Variants in PPM1E observed in about 807,000 individuals in gnomAD.
PPM1E encodes protein phosphatase 1E.
A neutral mutation model predicts 65.9 loss-of-function variants in PPM1E; 20 were observed. The ratio of observed to expected loss-of-function variants is 0.30; its 90% confidence interval spans 0.21 to 0.44. PPM1E has a LOEUF of 0.44. PPM1E is among the 20% of genes least tolerant of loss of function. PPM1E has a pLI of 1.00. For missense variants in PPM1E, 713 were observed against 953.1 expected (o/e 0.75, Z 3.32); for synonymous variants, 352 against 374.9 (o/e 0.94, Z 0.70).
intron 1 of PPM1E, among the ~76,000 whole-genome samples, chr17:58,908,192 C>T (rs2051581797): frequency 1.3e-5 from 2 of 151,922 alleles, no homozygotes; most frequent in African/African-American, 4.8e-5. Flanking sequence ...AGCAATTCTC[C>T]TGCCTCAGCC....
chr17:58,831,261 G>A (rs975682943), intron 1 of PPM1E, among the ~76,000 whole-genome samples: 1 of 152,028 alleles, frequency 6.6e-6, no homozygotes, highest in African/African-American at 2.4e-5. Flanking sequence ...CGTCCACCTT[G>A]GTCTCCCAAA....
intron 1 of PPM1E, among the ~76,000 whole-genome samples, chr17:58,866,780 G>C (rs2051009084): frequency 6.6e-6 from 1 of 152,106 alleles, no homozygotes; most frequent in Non-Finnish European, 1.5e-5. Flanking sequence ...ACCTTCCATA[G>C]GTTTTGGGAC....
At chr17:58,783,115 T>C (rs1426985638) in intron 1 of PPM1E, among the ~76,000 whole-genome samples, 1 of 152,162 alleles carries the variant, frequency 6.6e-6, no homozygotes, top group African/African-American at 2.4e-5. Context: ...TGAGGAATTA[T>C]TGAGAATAGA....
chr17:58,858,401 T>A (rs188532105), intron 1 of PPM1E, among the ~76,000 whole-genome samples: 1 of 152,284 alleles, frequency 6.6e-6, no homozygotes, highest in East Asian at 1.9e-4. Flanking sequence ...ACAGTAGAAC[T>A]TACTCCTTCT....
chr17:58,898,860 G>A (rs1327366239), intron 1 of PPM1E, among the ~76,000 whole-genome samples: 5 of 152,078 alleles, frequency 3.3e-5, no homozygotes, highest in Non-Finnish European at 7.3e-5. Flanking sequence ...CCTTTGTAGC[G>A]ACATGGATGA....
intron 1 of PPM1E, among the ~76,000 whole-genome samples, chr17:58,853,673 C>A (rs560094519): frequency 1.4e-3 from 211 of 152,074 alleles, no homozygotes; most frequent in African/African-American, 4.7e-3. Context: ...ACTGAAAATA[C>A]AAAAATTAGT....
intron 1 of PPM1E, among the ~76,000 whole-genome samples, chr17:58,825,256 ACACACAC>A (rs2050523272): frequency 2.0e-5 from 3 of 151,566 alleles, no homozygotes; most frequent in Admixed American, 6.6e-5. Context: ...ACACACACAC[ACACACAC>A]AAAAATAAAT....
At chr17:58,911,567 A>G (rs978185629) in intron 1 of PPM1E, among the ~76,000 whole-genome samples, 16 of 152,166 alleles carry the variant, frequency 1.1e-4, no homozygotes, top group African/African-American at 3.6e-4. Context: ...GGTTAATAAG[A>G]ATAATATCTA....
chr17:58,764,729 G>A (rs996103030), intron 1 of PPM1E, among the ~76,000 whole-genome samples: 1 of 152,044 alleles, frequency 6.6e-6, no homozygotes, highest in African/African-American at 2.4e-5. Context: ...AAGTAGCTGG[G>A]ACTACAAGCA....
At chr17:58,854,452 TAGA>T (rs2050860631) in intron 1 of PPM1E, among the ~76,000 whole-genome samples, 1 of 152,214 alleles carries the variant, frequency 6.6e-6, no homozygotes, top group Non-Finnish European at 1.5e-5. Context: ...CTCTGTAGAA[TAGA>T]AGTAGACAAG....
chr17:58,824,900 G>GC (rs1289383864), intron 1 of PPM1E, among the ~76,000 whole-genome samples: 1 of 151,696 alleles, frequency 6.6e-6, no homozygotes, highest in African/African-American at 2.4e-5. Context: ...GAGCCACTGC[G>GC]CCCAGCCTGC....
intron 1 of PPM1E, among the ~76,000 whole-genome samples, chr17:58,907,026 G>A (rs1440009580): frequency 6.6e-6 from 1 of 152,172 alleles, no homozygotes; most frequent in Non-Finnish European, 1.5e-5. Flanking sequence ...CACGAGGTCA[G>A]GAGATCGAGA....
chr17:58,950,707 T>C (rs909764668), intron 1 of PPM1E, among the ~76,000 whole-genome samples: 2 of 151,948 alleles, frequency 1.3e-5, no homozygotes, highest in Non-Finnish European at 2.9e-5. Flanking sequence ...TCTAGTCTGC[T>C]GTTGAAGCTC....
chr17:58,845,970 C>T (rs1262954230), intron 1 of PPM1E, among the ~76,000 whole-genome samples: 4 of 152,186 alleles, frequency 2.6e-5, no homozygotes, highest in South Asian at 2.1e-4. Context: ...CATGAGCCAC[C>T]GTGCCCAGCC....
At chr17:58,842,833 G>A (rs986389285) in intron 1 of PPM1E, among the ~76,000 whole-genome samples, 1 of 152,208 alleles carries the variant, frequency 6.6e-6, no homozygotes, top group Non-Finnish European at 1.5e-5. Context: ...AGCTACTCGG[G>A]AGGATGAGGC....
At chr17:58,824,677 C>T (rs1225143443) in intron 1 of PPM1E, among the ~76,000 whole-genome samples, 3 of 151,380 alleles carry the variant, frequency 2.0e-5, no homozygotes, top group African/African-American at 7.3e-5. Context: ...CAAGCTCCGT[C>T]TCCCGGGTTC....
At chr17:58,816,765 TATATATATATATATATATATATATA>T (rs1567842089) in intron 1 of PPM1E, among the ~76,000 whole-genome samples, 4 of 13,532 alleles carry the variant, frequency 3.0e-4, no homozygotes, top group African/African-American at 1.2e-3. Context: ...TATATATATA[TATATATATATATATATATATATATA>T]TATATTTTTT....
In PPM1E at chr17:58,910,025, C is replaced by T. The variant is rs1359121875; in HGVS notation, c.465-45624C>T. On this transcript the variant is annotated intron_variant, in intron 1 of 6. Transcript: ENST00000308249. ...TCAAGTGATTCTCCTGCCTCAGCCT[C>T]CCAACTAGCTGGGATTATAGGTGCC... is the stretch of plus-strand genomic sequence containing the variant. 4.1e-5 allele frequency among the ~76,000 whole-genome samples: 6 copies of T among 146,558 alleles called. 1 individual carries two copies.
rs986509841 is a variant in PPM1E, at chr17:58,887,187, TGTA to T, written c.465-68459_465-68457del. Among the ~76,000 whole-genome samples, 116 of 129,566 alleles carry T rather than the reference TGTA, an allele frequency of 9.0e-4. 1 individual carries two copies. Among genetic ancestry groups the T allele is most frequent in the Non-Finnish European group, 1.6e-3 (101 of 62,904 alleles). The allele number at this position is 129,566 out of a possible 152,430, so 85.0% of individuals were successfully genotyped here. A position where few individuals can be genotyped will look rare whatever the true frequency, so the allele number is the denominator to read the frequency against. On this transcript the variant is annotated intron_variant, in intron 1 of 6. Coordinates refer to ENST00000308249, the MANE Select transcript of PPM1E (RefSeq NM_014906.5). The stretch of plus-strand genomic sequence containing the variant: ...CTTTTTTTTTTTTTTTTTTTTGAGA[TGTA>T]GTCTCACTGTGTCGCCCAGGCTGGA...
Sources: gnomAD v4.1 joint callset for allele counts (sites outside exome capture counted in the v4.1 genomes callset) on GRCh38, gnomAD v4.1.1 for gene constraint, MANE v1.5 for transcripts, NCBI Gene and HGNC (gene_info 2026-07-23, HGNC 2026-07-21) for gene names.